The following LRP1B variants were observed in gnomAD, a reference collection of about 807,000 sequenced individuals.
LRP1B encodes the protein LDL receptor related protein 1B.
In LRP1B, 217 loss-of-function variants were observed where a neutral mutation model predicts 556.6. The observed-to-expected ratio is 0.39, with a 90% CI of 0.35 to 0.44. The LOEUF (loss-of-function observed/expected upper bound fraction) is 0.44, where lower values mean the gene tolerates loss of function less well. Among genes scored for constraint, LRP1B ranks in the 20% least tolerant of loss-of-function variants. The probability of loss-of-function intolerance (pLI) is 1.00; values close to 1 mark genes in which losing one functional copy is unlikely to be tolerated. For missense variants in LRP1B, 5,053 were observed against 5,620.8 expected, an observed-to-expected ratio of 0.90 and a Z score of 3.23; for synonymous variants, 2,047 against 1,865.8, an observed-to-expected ratio of 1.10 and a Z score of -2.50.
intron 35 of LRP1B, among the ~76,000 whole-genome samples, chr2:140,726,716 T>A (rs1189331487): frequency 1.3e-5 from 2 of 152,208 alleles, no homozygotes; most frequent in Non-Finnish European, 2.9e-5. Context: ...CATACCTCCC[T>A]CTTTGCACTA....
At chr2:141,016,639 T>C (rs1697908677) in intron 12 of LRP1B, among the ~76,000 whole-genome samples, 1 of 152,116 alleles carries the variant, frequency 6.6e-6, no homozygotes, top group African/African-American at 2.4e-5. Context: ...ACAAATCTTT[T>C]GTAAAGCTCT....
chr2:141,707,325 C>G (rs975512511), intron 2 of LRP1B, among the ~76,000 whole-genome samples: 1 of 152,076 alleles, frequency 6.6e-6, no homozygotes, highest in African/African-American at 2.4e-5. Context: ...TACCCAATAA[C>G]TATGAACAAA....
chr2:140,458,781 G>A (rs1687203742), intron 60 of LRP1B, among the ~76,000 whole-genome samples: 1 of 151,880 alleles, frequency 6.6e-6, no homozygotes, highest in Non-Finnish European at 1.5e-5. Flanking sequence ...TTTTTTAAAT[G>A]CTGGGTAAAT....
intron 7 of LRP1B, among the ~76,000 whole-genome samples, chr2:141,100,387 T>G (rs760377678): frequency 6.6e-6 from 1 of 152,202 alleles, no homozygotes; most frequent in Non-Finnish European, 1.5e-5. Flanking sequence ...GACCTCTAAC[T>G]GAGGACATCC....
At chr2:140,364,125 A>G (rs1352568385) in intron 72 of LRP1B, among the ~76,000 whole-genome samples, 2 of 151,660 alleles carry the variant, frequency 1.3e-5, no homozygotes, top group Admixed American at 1.3e-4. Context: ...AGACTTTTTA[A>G]GTTTAAATGT....
chr2:140,485,492 A>C lies in LRP1B; in HGVS notation c.9276T>G (p.Leu3092=). 6.2e-7 allele frequency: 1 copy of C among 1,613,774 alleles called. No homozygotes were observed. Among genetic ancestry groups the C allele is most frequent in the Non-Finnish European group, 8.5e-7 (1 of 1,179,788 alleles). ...GGTTTTTTCCAATCCAATCGACAGC[A>C]AGTGCATTGGGGACCGCTGTGTTAT... ...VVHNTAVPNA[L]AVDWIGKNLY... Residue 3092 remains leucine, a synonymous_variant, in exon 59 of 91, where the codon CTT becomes CTG. Transcript: ENST00000389484.
At chr2:141,909,482 G>A (rs1699845767) in intron 1 of LRP1B, among the ~76,000 whole-genome samples, 1 of 147,362 alleles carries the variant, frequency 6.8e-6, no homozygotes, top group Non-Finnish European at 1.5e-5. Context: ...TGGGGTAACT[G>A]GTTCAGGCAT....
At chr2:140,941,489 G>T (rs1002947796) in intron 20 of LRP1B, among the ~76,000 whole-genome samples, 2 of 152,126 alleles carry the variant, frequency 1.3e-5, no homozygotes, top group Admixed American at 1.3e-4. Context: ...AAGCAAGGGA[G>T]CATAACTGTG....
chr2:141,511,749 C>A (rs1684139218), intron 2 of LRP1B, among the ~76,000 whole-genome samples: 1 of 152,116 alleles, frequency 6.6e-6, no homozygotes, highest in Admixed American at 6.6e-5. Context: ...TATGAATATT[C>A]TAGCAAATAA....
chr2:140,992,635 A>G (rs1190676975), intron 16 of LRP1B: 1 of 152,082 alleles, frequency 6.6e-6, no homozygotes, highest in Non-Finnish European at 1.5e-5. Context: ...CTTTTTAATT[A>G]TTGCACTTGA....
At chr2:140,868,681 G>C (rs1693029562) in intron 25 of LRP1B, among the ~76,000 whole-genome samples, 1 of 152,076 alleles carries the variant, frequency 6.6e-6, no homozygotes, top group Non-Finnish European at 1.5e-5. Context: ...CAGAAATAAG[G>C]CCAATGTATT....
At chr2:141,787,262 C>T (rs1695457274) in intron 2 of LRP1B, among the ~76,000 whole-genome samples, 1 of 151,884 alleles carries the variant, frequency 6.6e-6, no homozygotes, top group Non-Finnish European at 1.5e-5. Context: ...GAAAAGCAAA[C>T]TTATGTTAAC....
chr2:142,115,617 TA>T lies in LRP1B; in HGVS notation c.82+15030del, dbSNP rs1408053670. On this transcript the variant is annotated intron_variant, in intron 1 of 90. Transcript: ENST00000389484. The stretch of plus-strand genomic sequence containing the variant: ...TTATATATGTAATATATATTATATA[TA>T]TGTAATATATATATTATATATGTAA... Among the ~76,000 whole-genome samples, 19 of 46,772 alleles carry T rather than the reference TA, an allele frequency of 4.1e-4. 5 individuals are homozygous for T. Among genetic ancestry groups the T allele is most frequent in the African/African-American group, 1.4e-3 (19 of 13,386 alleles). The allele number at this position is 46,772 out of a possible 152,430, so 30.7% of individuals were successfully genotyped here.
At chr2:140,812,407 C>A (rs1032648576) in intron 32 of LRP1B, among the ~76,000 whole-genome samples, 12 of 152,136 alleles carry the variant, frequency 7.9e-5, no homozygotes, top group African/African-American at 2.9e-4. Flanking sequence ...GAGGAAGACT[C>A]ATTCTTAAAT....
intron 41 of LRP1B, among the ~76,000 whole-genome samples, chr2:140,668,574 T>C (rs563681357): frequency 6.6e-6 from 1 of 152,226 alleles, no homozygotes; most frequent in East Asian, 1.9e-4. Flanking sequence ...TTTGGTCTTC[T>C]GGACCTGCTA....
intron 2 of LRP1B, among the ~76,000 whole-genome samples, chr2:141,487,450 T>C: frequency 6.6e-6 from 1 of 152,274 alleles, no homozygotes; most frequent in Non-Finnish European, 1.5e-5. Context: ...TTTCCACCAT[T>C]AATGCATTCT....
Position 141,422,030 on chromosome 2 carries a change from G to T in LRP1B, c.343+58366C>A, listed in dbSNP as rs568594078. ...CTATATTAAACAGTGCCTAAATAAG[G>T]CCTGACACATAGATGGTCAGGAAAC... is the stretch of plus-strand genomic sequence containing the variant. On this transcript the variant is annotated intron_variant, in intron 3 of 90. Coordinates refer to ENST00000389484, the MANE Select transcript of LRP1B (RefSeq NM_018557.3). 2.6e-5 allele frequency among the ~76,000 whole-genome samples: 4 copies of T among 152,240 alleles called. No individual in the cohort carries two copies. In the South Asian group the frequency reaches 6.2e-4, roughly 24 times the overall value.
intron 1 of LRP1B, among the ~76,000 whole-genome samples, chr2:141,812,160 G>A (rs965163411): frequency 2.0e-5 from 3 of 152,032 alleles, no homozygotes; most frequent in Non-Finnish European, 4.4e-5. Flanking sequence ...TAGAGGAGGA[G>A]GGCTTACATT....
At chr2:141,642,190 G>T (rs540062683) in intron 2 of LRP1B, among the ~76,000 whole-genome samples, 1 of 152,138 alleles carries the variant, frequency 6.6e-6, no homozygotes, top group African/African-American at 2.4e-5. Context: ...CACAAATAGG[G>T]AGTCTTAAAA....
Sources: allele counts gnomAD v4.1 joint callset (sites outside exome capture counted in the v4.1 genomes callset), GRCh38; gene constraint gnomAD v4.1.1; transcripts MANE v1.5; gene names NCBI Gene and HGNC (gene_info 2026-07-23, HGNC 2026-07-21).